CCP110: variants seen among roughly 807,000 people sequenced by gnomAD.
The protein encoded by CCP110 is centriolar coiled-coil protein of 110 kDa.
CCP110 carries 43 observed loss-of-function variants against 105.5 expected under a neutral mutation model. That is an observed-to-expected ratio of 0.41 (90% confidence interval 0.32 to 0.53). The LOEUF (loss-of-function observed/expected upper bound fraction) is 0.53, where lower values mean the gene tolerates loss of function less well. Ranked by LOEUF, CCP110 falls within the 20% of genes least tolerant of loss-of-function variation. CCP110 has a pLI of 0.32. For synonymous variants in CCP110, 353 were observed against 392.1 expected, an observed-to-expected ratio of 0.90 and a Z score of 1.18; for missense variants, 1,016 against 1,189.1, an observed-to-expected ratio of 0.85 and a Z score of 2.14.
At chr16:19,531,981 A>AT in intron 2 of CCP110, among the ~76,000 whole-genome samples, 1 of 151,928 alleles carries the variant, frequency 6.6e-6, no homozygotes, top group South Asian at 2.1e-4. Context: ...AAAAAAAAAA[A>AT]GGATACTGAA....
chr16:19,548,480 G>A lies in CCP110; in HGVS notation c.2901-35G>A. On this transcript the variant is annotated intron_variant, in intron 13 of 14. Transcript: ENST00000381396. The surrounding 1 kb of genome is among the most constrained non-coding windows in gnomAD (Gnocchi z 4.1). Reference sequence around the variant, plus strand: ...GAATTTTGAACATTTAGACCTTAATGCCAGTGACTTATTAATTTTTTTATA... The same window carrying A: ...GAATTTTGAACATTTAGACCTTAATACCAGTGACTTATTAATTTTTTTATA... 1 of 1,311,882 alleles carries A rather than the reference G, an allele frequency of 7.6e-7. No homozygotes were observed. The highest frequency in any genetic ancestry group is 1.1e-6 in the Non-Finnish European group (1 of 942,820). 81.3% of individuals were successfully genotyped at this position (1,311,882 alleles called of 1,614,324 possible).
chr16:19,531,231 G>T (rs1414398265), intron 2 of CCP110, among the ~76,000 whole-genome samples: 2 of 152,140 alleles, frequency 1.3e-5, no homozygotes, highest in Admixed American at 1.3e-4. Flanking sequence ...GTTGTGTAGG[G>T]TCTATGACTC....
At chr16:19,526,526 C>G (rs555390218) in intron 1 of CCP110, 7 of 152,206 alleles carry the variant, frequency 4.6e-5, no homozygotes, top group African/African-American at 1.7e-4. Context: ...TGTAGAGAAC[C>G]ATTTGTTTGT....
At chr16:19,540,712 A>G in exon 5 of CCP110, 1 of 1,613,030 alleles carries the variant, frequency 6.2e-7, no homozygotes, top group Non-Finnish European at 8.5e-7. Flanking sequence ...TGCGGAAGAG[A>G]CTAGAAGAAC....
intron 8 of CCP110, among the ~76,000 whole-genome samples, chr16:19,544,349 T>G (rs548086165): frequency 6.6e-6 from 1 of 152,328 alleles, no homozygotes; most frequent in East Asian, 1.9e-4. Context: ...TAAGTAATAG[T>G]TTTATTTATG....
Position 19,536,798 on chromosome 16 carries a change from C to T in CCP110, c.1129C>T (p.Arg377Ter), listed in dbSNP as rs1401990024. 3.7e-6 allele frequency: 6 copies of T among 1,613,904 alleles called. No individual in the cohort carries two copies. The African/African-American group carries it at 5.3e-5, about 14-fold the overall frequency. ...GCCAAGTATGAGTCCTAAAATGCAC[C>T]GAAGACGTTCCAGGACATCATCAGC... Residue 377 changes from arginine (R) to a stop codon, truncating the protein, a stop_gained, in exon 4 of 15, where the codon CGA (arginine) becomes TGA (stop). Coordinates refer to ENST00000381396, the Ensembl canonical transcript of CCP110. LOFTEE classifies it high-confidence loss of function.
chr16:19,546,765 A>G (rs1320558194), intron 12 of CCP110: 3 of 204,542 alleles, frequency 1.5e-5, no homozygotes, highest in Non-Finnish European at 3.0e-5. Context: ...CAGTGAGCCA[A>G]GATTGCTCCA....
At chr16:19,546,529 A>T in intron 12 of CCP110, 55 bp downstream of exon 12, 1 of 1,131,836 alleles carries the variant, frequency 8.8e-7, no homozygotes, top group Non-Finnish European at 1.3e-6. Context: ...ATAGAAAAAA[A>T]AAATTGGCTG....
At chr16:19,528,857 C>G (rs549639291) in intron 2 of CCP110, among the ~76,000 whole-genome samples, 1 of 152,204 alleles carries the variant, frequency 6.6e-6, no homozygotes, top group East Asian at 1.9e-4. Flanking sequence ...AGGATTGCAT[C>G]ATTGCCTGGA....
chr16:19,553,247 CTGTT>C (rs1197798480), exon 15 of CCP110: 4 of 152,114 alleles, frequency 2.6e-5, no homozygotes, highest in African/African-American at 4.8e-5. Flanking sequence ...GTGCCAGACA[CTGTT>C]TGTGCTTTTG....
chr16:19,534,044 G>A (rs1969967534), intron 3 of CCP110, among the ~76,000 whole-genome samples: 1 of 152,144 alleles, frequency 6.6e-6, no homozygotes, highest in Admixed American at 6.5e-5. Flanking sequence ...TAAGAGAATT[G>A]TTAATGAGAG....
Position 19,536,188 on chromosome 16 carries a change from A to G in CCP110, c.519A>G (p.Gln173=), listed in dbSNP as rs769967582. 3 of 1,614,154 alleles carry G rather than the reference A, an allele frequency of 1.9e-6. No individual in the cohort carries two copies. In the East Asian group the frequency reaches 6.7e-5, roughly 36 times the overall value. Residue 173 remains glutamine, a synonymous_variant, in exon 4 of 15, where the codon CAA becomes CAG. Transcript: ENST00000381396. ...CAGAAGGATTTAATTCTCCGAAGCA[A>G]TGTGATAGTTCCAATATTAGTCATG...
intron 11 of CCP110, chr16:19,546,136 A>G (rs1200859332): frequency 1.9e-6 from 1 of 518,782 alleles, no homozygotes; most frequent in East Asian, 3.1e-5. Flanking sequence ...TTAATCTTAA[A>G]AACAGTTAAT....
intron 3 of CCP110, 52 bp downstream of exon 3, chr16:19,532,596 TTGA>T (rs750884740): frequency 1.4e-6 from 2 of 1,437,368 alleles, no homozygotes; most frequent in South Asian, 2.6e-5. Context: ...AAGATAAGCG[TTGA>T]TGATAATTTT....
chr16:19,524,363 G>A (rs1186121807), intron 1 of CCP110, among the ~76,000 whole-genome samples: 1 of 152,156 alleles, frequency 6.6e-6, no homozygotes, highest in African/African-American at 2.4e-5. Flanking sequence ...ATGGGGCGCT[G>A]GGGAGAGGGC....
chr16:19,539,973 C>A (rs903839220), intron 4 of CCP110, among the ~76,000 whole-genome samples: 2 of 150,894 alleles, frequency 1.3e-5, no homozygotes, highest in East Asian at 4.0e-4. Flanking sequence ...AGTAGAGATT[C>A]GGTTTCACCA....
chr16:19,547,715 GT>G, intron 12 of CCP110: 1 of 431,000 alleles, frequency 2.3e-6, no homozygotes, highest in Non-Finnish European at 4.2e-6. Flanking sequence ...ACAAGGGTTA[GT>G]CTATATGTTG....
intron 3 of CCP110, 95 bp downstream of exon 3, chr16:19,532,639 C>G (rs575267806): frequency 1.0e-6 from 1 of 980,720 alleles, no homozygotes; most frequent in Non-Finnish European, 1.5e-6. Flanking sequence ...TAACTAATTA[C>G]TAATGTACTT....
rs1044524012 is a variant in CCP110 at position 19,548,333 on chromosome 16, T to C, written c.2901-182T>C. 1 of 587,606 alleles carries C rather than the reference T, an allele frequency of 1.7e-6. No individual in the cohort carries two copies. The highest frequency in any genetic ancestry group is 1.9e-5 in the African/African-American group (1 of 53,782). The allele number at this position is 587,606 out of a possible 1,614,324, so 36.4% of individuals were successfully genotyped here. On this transcript the variant is annotated intron_variant, in intron 13 of 14. Transcript: ENST00000381396. This position sits in a 1 kb window ranked among gnomAD's most constrained non-coding sequence, Gnocchi z 4.1. ...TGATTCTCCAACAGAGTATGACTCGTGCTTATAGTCTCCTGCTGAAGCCAG... is the reference window on the plus strand; with the variant it reads ...TGATTCTCCAACAGAGTATGACTCGCGCTTATAGTCTCCTGCTGAAGCCAG...
Sources: allele counts gnomAD v4.1 joint callset (sites outside exome capture counted in the v4.1 genomes callset), GRCh38; gene constraint gnomAD v4.1.1; non-coding constraint Gnocchi (gnomAD v3.1); transcripts MANE v1.5; gene names NCBI Gene and HGNC (gene_info 2026-07-23, HGNC 2026-07-21).